The following TRAK1 variants were observed in gnomAD, a reference collection of about 807,000 sequenced individuals.
TRAK1 encodes the protein trafficking kinesin protein 1, also known as trafficking kinesin-binding protein 1.
In TRAK1, 33 loss-of-function variants were observed where a neutral mutation model predicts 92.1. That is an observed-to-expected ratio of 0.36 (90% CI 0.27 to 0.48). TRAK1 has a LOEUF of 0.48. TRAK1 is among the 20% of genes least tolerant of loss of function. The probability of loss-of-function intolerance (pLI) is 0.99; values close to 1 mark genes in which losing one functional copy is unlikely to be tolerated. For synonymous variants in TRAK1, 521 were observed against 517.3 expected, an observed-to-expected ratio of 1.01 and a Z score of -0.10; for missense variants, 1,123 against 1,257.9, an observed-to-expected ratio of 0.89 and a Z score of 1.62.
At chr3:42,063,327 T>A (rs994907588) in intron 1 of TRAK1, among the ~76,000 whole-genome samples, 2 of 152,258 alleles carry the variant, frequency 1.3e-5, no homozygotes, top group Admixed American at 1.3e-4. Context: ...GGGTTTTGTC[T>A]GTCAGTACAT....
chr3:42,062,550 C>T (rs921188726), intron 1 of TRAK1, among the ~76,000 whole-genome samples: 2 of 152,182 alleles, frequency 1.3e-5, no homozygotes, highest in South Asian at 4.1e-4. Context: ...AGTCCTGGCA[C>T]CTCTGAGGCT....
intron 1 of TRAK1, among the ~76,000 whole-genome samples, chr3:42,106,894 A>G (rs1223211894): frequency 2.6e-5 from 4 of 152,262 alleles, no homozygotes; most frequent in African/African-American, 9.6e-5. Context: ...TCAGGAAATA[A>G]TTTAGATTAA....
chr3:42,080,320 C>T (rs982248699), intron 1 of TRAK1, among the ~76,000 whole-genome samples: 14 of 152,148 alleles, frequency 9.2e-5, no homozygotes, highest in African/African-American at 3.4e-4. Flanking sequence ...GGCAGGGGAC[C>T]TGGGCCACCC....
Position 42,219,537 on chromosome 3 carries a change from C to T in TRAK1, c.2007C>T (p.Phe669=), listed in dbSNP as rs940774193. 8.1e-6 allele frequency: 13 copies of T among 1,613,798 alleles called. No homozygotes were observed. The highest frequency in any genetic ancestry group is 1.1e-5 in the Non-Finnish European group (13 of 1,179,930). Residue 669 remains phenylalanine (F), a synonymous_variant, in exon 15 of 16, where the codon TTC becomes TTT. Coordinates refer to ENST00000327628, the MANE Select transcript of TRAK1 (RefSeq NM_001042646.3). ...GCATGTCTCAGACCAACTCCACCTTCACCTTCACCACCTGTCGCATCCTGC... is the reference window on the plus strand; with the variant it reads ...GCATGTCTCAGACCAACTCCACCTTTACCTTCACCACCTGTCGCATCCTGC... ...GKCMSQTNST[F]TFTTCRILHP...
chr3:42,088,372 C>T (rs73828534), upstream of TRAK1, among the ~76,000 whole-genome samples: 1 of 152,042 alleles, frequency 6.6e-6, no homozygotes, highest in Admixed American at 6.5e-5. Flanking sequence ...GTTAAGTGGC[C>T]CACATGTGTT....
intron 12 of TRAK1, among the ~76,000 whole-genome samples, chr3:42,201,275 A>G (rs1310924598): frequency 4.6e-5 from 7 of 152,208 alleles, no homozygotes; most frequent in African/African-American, 1.4e-4. Context: ...CCTGGGCAAC[A>G]TTGCAAAATC....
chr3:42,031,980 G>A (rs962354082), intron 1 of TRAK1, among the ~76,000 whole-genome samples: 2 of 152,166 alleles, frequency 1.3e-5, no homozygotes, highest in African/African-American at 4.8e-5. Flanking sequence ...GCATGGGTTA[G>A]GGGGCGGGGA....
intron 2 of TRAK1, among the ~76,000 whole-genome samples, chr3:42,152,910 TC>T (rs1700111449): frequency 6.6e-6 from 1 of 152,194 alleles, no homozygotes; most frequent in Non-Finnish European, 1.5e-5. Context: ...TATGGGAACA[TC>T]CTGGGATTTC....
chr3:42,143,859 G>A (rs1234961641), intron 2 of TRAK1, among the ~76,000 whole-genome samples: 1 of 152,202 alleles, frequency 6.6e-6, no homozygotes, highest in Non-Finnish European at 1.5e-5. Context: ...TCTTCACAGA[G>A]CTATGGACAG....
In TRAK1 at chr3:42,202,928, C is replaced by T. The variant is rs1218810336; in HGVS notation, c.1744+176C>T. 1.2e-5 allele frequency: 17 copies of T among 1,407,258 alleles called. No homozygotes were observed. The highest frequency in any genetic ancestry group is 1.6e-5 in the Non-Finnish European group (17 of 1,080,280). 87.2% of individuals were successfully genotyped at this position (1,407,258 alleles called of 1,614,324 possible). A position where few individuals can be genotyped will look rare whatever the true frequency, so the allele number is the denominator to read the frequency against. ...GGTGGTGCTCAGCCTAGGCCTCCGT[C>T]CCTCCCCTCTGGCTGGCAGGTGTGA... On this transcript the variant is annotated intron_variant, in intron 13 of 15. Coordinates refer to ENST00000327628, the MANE Select transcript of TRAK1 (RefSeq NM_001042646.3). The surrounding 1 kb of genome is among the most constrained non-coding windows in gnomAD (Gnocchi z 6.1).
chr3:42,132,099 G>A (rs1357305358), intron 2 of TRAK1, among the ~76,000 whole-genome samples: 1 of 151,970 alleles, frequency 6.6e-6, no homozygotes, highest in African/African-American at 2.4e-5. Context: ...ACCAGCCCTG[G>A]AACCAGTCCC....
intron 3 of TRAK1, among the ~76,000 whole-genome samples, chr3:42,180,272 A>G (rs1005820541): frequency 1.3e-5 from 2 of 152,178 alleles, no homozygotes; most frequent in Admixed American, 6.5e-5. Flanking sequence ...TAGTAGGTAT[A>G]TATATTTATG....
intron 2 of TRAK1, among the ~76,000 whole-genome samples, chr3:42,134,953 C>T (rs995987669): frequency 6.6e-6 from 1 of 151,938 alleles, no homozygotes; most frequent in African/African-American, 2.4e-5. Context: ...TAGCTTACTG[C>T]AGCCTCGAAC....
intron 2 of TRAK1, among the ~76,000 whole-genome samples, chr3:42,155,678 T>C (rs1700451630): frequency 6.6e-6 from 1 of 152,236 alleles, no homozygotes; most frequent in South Asian, 2.1e-4. Flanking sequence ...CCAGTGAAGC[T>C]TTTTGTAATG....
At chr3:42,037,838 T>G (rs1374825019) in intron 1 of TRAK1, among the ~76,000 whole-genome samples, 2 of 152,142 alleles carry the variant, frequency 1.3e-5, no homozygotes, top group African/African-American at 2.4e-5. Context: ...TAACATTTAG[T>G]GAGTGTTTGT....
intron 1 of TRAK1, among the ~76,000 whole-genome samples, chr3:42,116,565 T>G (rs1709189435): frequency 1.3e-5 from 2 of 152,240 alleles, no homozygotes; most frequent in Non-Finnish European, 2.9e-5. Flanking sequence ...AATGGAATTG[T>G]TTCCAAGTCT....
chr3:42,138,975 C>T (rs552051992), intron 2 of TRAK1, among the ~76,000 whole-genome samples: 46 of 147,416 alleles, frequency 3.1e-4, no homozygotes, highest in Non-Finnish European at 5.6e-4. Context: ...GTCACCTAGA[C>T]GTGTGCGTGG....
chr3:42,096,237 C>G (rs1307046896), intron 1 of TRAK1, among the ~76,000 whole-genome samples: 1 of 152,142 alleles, frequency 6.6e-6, no homozygotes. Context: ...CTCTTAAAAA[C>G]ATAATTTTAT....
At chr3:42,214,556 CCT>C (rs966966290) in intron 14 of TRAK1, among the ~76,000 whole-genome samples, 24 of 152,162 alleles carry the variant, frequency 1.6e-4, no homozygotes, top group African/African-American at 5.6e-4. Flanking sequence ...AATTTCTGAC[CCT>C]CTCTGCACAA....
Sources: allele counts gnomAD v4.1 joint callset (sites outside exome capture counted in the v4.1 genomes callset), GRCh38; gene constraint gnomAD v4.1.1; non-coding constraint Gnocchi (gnomAD v3.1); transcripts MANE v1.5; gene names NCBI Gene and HGNC (gene_info 2026-07-23, HGNC 2026-07-21).